CELA1: variants seen among roughly 807,000 people sequenced by gnomAD.
The protein encoded by CELA1 is chymotrypsin-like elastase family member 1.
A neutral mutation model predicts 34.8 loss-of-function variants in CELA1; 28 were observed. The ratio of observed to expected loss-of-function variants is 0.80; its 90% CI spans 0.60 to 1.10. The LOEUF (loss-of-function observed/expected upper bound fraction) is 1.10. Among genes scored for constraint, CELA1 ranks in the 50% least tolerant of loss-of-function variants. The pLI is 0.00. For missense variants in CELA1, 288 were observed against 327.5 expected (o/e 0.88, Z 0.93); for synonymous variants, 140 against 129.8 (o/e 1.08, Z -0.53).
chr12:51,345,819 G>C lies in CELA1; in HGVS notation c.75C>G (p.Ala25=), dbSNP rs1298049269. The change falls in exon 2 of 8, where the codon GCC becomes GCG. Residue 25 remains alanine (A), a synonymous_variant. Coordinates refer to ENST00000293636, the MANE Select transcript of CELA1 (RefSeq NM_001971.6). ...TNARVVGGTE[A]GRNSWPSQIS... Reference sequence around the variant, plus strand: ...CCTGAGAGGGCCAGGAATTCCTCCCGGCCTCAGTCCCTCCGACTACGCGGG... The same window carrying C: ...CCTGAGAGGGCCAGGAATTCCTCCCCGCCTCAGTCCCTCCGACTACGCGGG... 2 of 1,558,180 alleles carry C rather than the reference G, an allele frequency of 1.3e-6. No homozygotes were observed. The highest frequency in any genetic ancestry group is 2.7e-5 in the African/African-American group (2 of 73,398).
intron 6 of CELA1, among the ~76,000 whole-genome samples, chr12:51,337,910 CA>C (rs1017667588): frequency 1.5e-5 from 2 of 133,418 alleles, no homozygotes; most frequent in African/African-American, 2.8e-5. Context: ...GACGCTGTCT[CA>C]AAAAAAAAAC....
Position 51,341,604 on chromosome 12 carries a change from C to T in CELA1, c.327-224G>A, listed in dbSNP as rs1820122941. 2.0e-5 allele frequency among the ~76,000 whole-genome samples: 3 copies of T among 152,168 alleles called. No individual in the cohort carries two copies. In the South Asian group the frequency reaches 6.2e-4, roughly 31 times the overall value. On this transcript the variant is annotated intron_variant, in intron 4 of 7. Coordinates refer to ENST00000293636, the MANE Select transcript of CELA1 (RefSeq NM_001971.6). ...ATCTGCTGGTGGGACATTGGTATTG[C>T]AGCCTAGCTCTGACCTTTGCAACCC...
At chr12:51,345,941 G>A (rs903274002) in intron 1 of CELA1, 64 bp from the exon 2 acceptor site, 32 of 1,154,708 alleles carry the variant, frequency 2.8e-5, no homozygotes, top group African/African-American at 6.2e-5. Context: ...GTAGGGGTGG[G>A]GGGTGGCGAT....
At position 51,342,711 on chromosome 12, in the gene CELA1, A is replaced by G; in HGVS notation, c.201-11T>C. 6.2e-7 allele frequency: 1 copy of G among 1,614,016 alleles called. No individual in the cohort carries two copies. The highest frequency in any genetic ancestry group is 8.5e-7 in the Non-Finnish European group (1 of 1,179,938). On this transcript the variant is annotated splice_polypyrimidine_tract_variant and intron_variant, in intron 3 of 7. Coordinates refer to ENST00000293636, the MANE Select transcript of CELA1 (RefSeq NM_001971.6). ...CGGAAAGTCTTCTGGCTGGCGTGAG[A>G]GAAGGAATCCCTGAGTCATCCAGGG...
At chr12:51,333,126 C>T (rs1171061695) in intron 6 of CELA1, among the ~76,000 whole-genome samples, 2 of 149,624 alleles carry the variant, frequency 1.3e-5, no homozygotes, top group Non-Finnish European at 3.0e-5. Context: ...CTGAGTTTCG[C>T]TCTTGTTGCC....
intron 6 of CELA1, among the ~76,000 whole-genome samples, chr12:51,338,873 A>G (rs1946515975): frequency 6.6e-6 from 1 of 151,952 alleles, no homozygotes; most frequent in Admixed American, 6.6e-5. Context: ...GCACTTTGGG[A>G]GGCCAATGTG....
At chr12:51,345,264 A>G (rs1412468820) in intron 2 of CELA1, among the ~76,000 whole-genome samples, 3 of 152,236 alleles carry the variant, frequency 2.0e-5, no homozygotes, top group Non-Finnish European at 4.4e-5. Context: ...TTGCAGTGAT[A>G]TCTTCTCAAA....
chr12:51,345,566 T>G (rs1483152747), intron 2 of CELA1, among the ~76,000 whole-genome samples: 2 of 152,224 alleles, frequency 1.3e-5, no homozygotes, highest in Non-Finnish European at 2.9e-5. Context: ...ATCTTGTGTT[T>G]GGGTGTGTGC....
chr12:51,344,342 C>T (rs1333305630), intron 2 of CELA1, among the ~76,000 whole-genome samples: 1 of 152,148 alleles, frequency 6.6e-6, no homozygotes, highest in African/African-American at 2.4e-5. Context: ...TTGCAATGGA[C>T]CTAGAACCCA....
In CELA1 at chr12:51,345,814, C is replaced by A; in HGVS notation, c.80G>T (p.Arg27Met). 6.4e-7 allele frequency: 1 copy of A among 1,557,656 alleles called. No individual in the cohort carries two copies. Among genetic ancestry groups the A allele is most frequent in the South Asian group, 1.2e-5 (1 of 84,424 alleles). ...ACCCACCTGAGAGGGCCAGGAATTC[C>A]TCCCGGCCTCAGTCCCTCCGACTAC... ...ARVVGGTEAG[R>M]NSWPSQISLQ... The change falls in exon 2 of 8, where the codon AGG (arginine) becomes ATG (methionine). Residue 27 changes from arginine to methionine, a missense_variant. Physicochemically the swap from Arg to Met is moderately conservative, Grantham distance 91. Transcript: ENST00000293636.
intron 7 of CELA1, among the ~76,000 whole-genome samples, 171 bp downstream of exon 7, chr12:51,329,513 G>A (rs948642975): frequency 4.6e-5 from 7 of 152,118 alleles, no homozygotes; most frequent in African/African-American, 1.4e-4. Context: ...ATTCAGGATG[G>A]CAGCCTTATT....
chr12:51,328,493 C>T lies in CELA1; in HGVS notation c.*84G>A. 7.4e-7 allele frequency: 1 copy of T among 1,358,228 alleles called. No homozygotes were observed. Among genetic ancestry groups the T allele is most frequent in the Non-Finnish European group, 1.1e-6 (1 of 947,972 alleles). The allele number at this position is 1,358,228 out of a possible 1,614,324, so 84.1% of individuals were successfully genotyped here. A position where few individuals can be genotyped will look rare whatever the true frequency, so the allele number is the denominator to read the frequency against. On this transcript the variant is annotated 3_prime_UTR_variant, in exon 8 of 8. Transcript: ENST00000293636. Reference sequence around the variant, plus strand: ...TTCTATCAATGGCTCAATAGTCTTTCAGAATGTGTTTTACTTTTTGATCGC... The same window carrying T: ...TTCTATCAATGGCTCAATAGTCTTTTAGAATGTGTTTTACTTTTTGATCGC...
intron 6 of CELA1, among the ~76,000 whole-genome samples, chr12:51,333,107 T>TG (rs1946480190): frequency 6.6e-6 from 1 of 151,534 alleles, no homozygotes; most frequent in South Asian, 2.1e-4. Flanking sequence ...TTTTTTTTTT[T>TG]TTTTGAGACT....
chr12:51,340,273 G>C lies in CELA1; in HGVS notation c.464-268C>G, dbSNP rs149918915. Among the ~76,000 whole-genome samples, 55 of 152,028 alleles carry C rather than the reference G, an allele frequency of 3.6e-4. 2 individuals carry two copies. The East Asian group carries it at 0.01, about 28-fold the overall frequency. On this transcript the variant is annotated intron_variant, in intron 5 of 7. Coordinates refer to ENST00000293636, the MANE Select transcript of CELA1 (RefSeq NM_001971.6). ...CTTCTTTTCACTCGTGGATAACTTA[G>C]TTGCACCATGGAATGGCCTTATTTG...
chr12:51,342,807 A>C, intron 3 of CELA1, 107 bp from the exon 4 acceptor site: 1 of 1,276,914 alleles, frequency 7.8e-7, no homozygotes, highest in South Asian at 1.7e-5. Flanking sequence ...ATTATTATTT[A>C]GGAAATTTTT....
chr12:51,340,993 AT>A (rs1166815392), intron 5 of CELA1, among the ~76,000 whole-genome samples: 1 of 152,168 alleles, frequency 6.6e-6, no homozygotes, highest in East Asian at 1.9e-4. Flanking sequence ...AAATAAATAA[AT>A]TTTAAAAATG....
At chr12:51,339,228 C>G (rs1175309442) in intron 6 of CELA1, among the ~76,000 whole-genome samples, 1 of 151,616 alleles carries the variant, frequency 6.6e-6, no homozygotes, top group Non-Finnish European at 1.5e-5. Context: ...TGTCCAGGCT[C>G]AGCTGCATCG....
In CELA1 at chr12:51,342,564, C is replaced by G. The variant is rs1465503016; in HGVS notation, c.326+11G>C. The stretch of plus-strand genomic sequence containing the variant: ...CCGCCCAGCCCAGGGCCAGCTTGGA[C>G]TTGCTCCTACCCGGCAGCCACGTTA... On this transcript the variant is annotated intron_variant, in intron 4 of 7. Coordinates refer to ENST00000293636, the MANE Select transcript of CELA1 (RefSeq NM_001971.6). 8 of 1,614,120 alleles carry G rather than the reference C, an allele frequency of 5.0e-6. No homozygotes were observed. The highest frequency in any genetic ancestry group is 6.8e-6 in the Non-Finnish European group (8 of 1,180,010).
At chr12:51,344,529 A>G (rs557547984) in intron 2 of CELA1, among the ~76,000 whole-genome samples, 1 of 152,028 alleles carries the variant, frequency 6.6e-6, no homozygotes, top group African/African-American at 2.4e-5. Context: ...CATCTCTACT[A>G]AAAATGCAAA....
Sources: allele counts gnomAD v4.1 joint callset (sites outside exome capture counted in the v4.1 genomes callset), GRCh38; gene constraint gnomAD v4.1.1; transcripts MANE v1.5; gene names NCBI Gene and HGNC (gene_info 2026-07-23, HGNC 2026-07-21).